HERC1: variants seen among roughly 807,000 people sequenced by gnomAD.
The protein encoded by HERC1 is probable E3 ubiquitin-protein ligase HERC1.
Under a neutral mutation model 554.3 loss-of-function variants are expected in HERC1, and 160 were observed. The ratio of observed to expected loss-of-function variants is 0.29; its 90% CI spans 0.25 to 0.33. HERC1 has a LOEUF of 0.33. Ranked by LOEUF, HERC1 falls within the 10% of genes least tolerant of loss-of-function variation. HERC1 has a pLI of 1.00. For synonymous variants in HERC1, 2,175 were observed against 2,131.7 expected, an observed-to-expected ratio of 1.02 and a Z score of -0.56; for missense variants, 4,919 against 5,918.5, an observed-to-expected ratio of 0.83 and a Z score of 5.54.
At chr15:63,703,705 C>T (rs763413099) in intron 25 of HERC1, among the ~76,000 whole-genome samples, 5 of 151,566 alleles carry the variant, frequency 3.3e-5, no homozygotes, top group Non-Finnish European at 5.9e-5. Flanking sequence ...AGCAACATGG[C>T]GAAACCCCGT....
chr15:63,821,726 C>CAAA (rs35074987), intron 1 of HERC1, among the ~76,000 whole-genome samples: 32 of 62,444 alleles, frequency 5.1e-4, no homozygotes, highest in East Asian at 6.4e-4. Flanking sequence ...TACCCTGTCT[C>CAAA]AAAAAAAAAA....
Position 63,612,213 on chromosome 15 carries a change from G to T in HERC1, c.14400+38C>A. On this transcript the variant is annotated intron_variant, in intron 77 of 77. Coordinates refer to ENST00000443617, the MANE Select transcript of HERC1 (RefSeq NM_003922.4). The surrounding 1 kb of genome is among the most constrained non-coding windows in gnomAD (Gnocchi z 5.0). ...AACAAAAACAACAATGAAGCAATAAGGCAGACATTACAAAGGAAAAAAGAA... is the reference window on the plus strand; with the variant it reads ...AACAAAAACAACAATGAAGCAATAATGCAGACATTACAAAGGAAAAAAGAA... The T allele has an allele frequency of 6.6e-7, 1 of 1,516,024 alleles. No homozygotes were observed. The highest frequency in any genetic ancestry group is 9.0e-7 in the Non-Finnish European group (1 of 1,117,066). 93.9% of individuals were successfully genotyped at this position (1,516,024 alleles called of 1,614,324 possible).
chr15:63,715,169 T>C (rs2073491366), intron 22 of HERC1, among the ~76,000 whole-genome samples: 1 of 152,220 alleles, frequency 6.6e-6, no homozygotes, highest in Admixed American at 6.5e-5. Context: ...AGTTCATTCA[T>C]CTTTAGAATG....
intron 33 of HERC1, among the ~76,000 whole-genome samples, chr15:63,687,667 C>T (rs963188406): frequency 1.3e-5 from 2 of 152,052 alleles, no homozygotes; most frequent in African/African-American, 4.8e-5. Flanking sequence ...GGTCTCTGCT[C>T]TCATAGAACT....
At chr15:63,631,212 A>C (rs1382890190) in intron 68 of HERC1, among the ~76,000 whole-genome samples, 1 of 151,710 alleles carries the variant, frequency 6.6e-6, no homozygotes, top group Non-Finnish European at 1.5e-5. Context: ...CTTCCAACCA[A>C]CCTCTCCCCT....
intron 51 of HERC1, among the ~76,000 whole-genome samples, chr15:63,653,715 AAC>A (rs1228186242): frequency 1.3e-5 from 2 of 152,306 alleles, no homozygotes; most frequent in East Asian, 3.9e-4. Flanking sequence ...ATACTATGTA[AAC>A]AGTTATACTG....
chr15:63,678,802 A>T (rs1360279485), intron 36 of HERC1, among the ~76,000 whole-genome samples: 1 of 152,230 alleles, frequency 6.6e-6, no homozygotes, highest in Non-Finnish European at 1.5e-5. Context: ...CACACTGCAA[A>T]TAAGACACAG....
chr15:63,710,583 C>T (rs911932118), intron 24 of HERC1, among the ~76,000 whole-genome samples: 1 of 152,162 alleles, frequency 6.6e-6, no homozygotes, highest in African/African-American at 2.4e-5. Context: ...CTAAGACTAA[C>T]TGATCAATGA....
intron 47 of HERC1, among the ~76,000 whole-genome samples, chr15:63,659,203 T>C (rs62014170): frequency 0.17 from 25,765 of 152,036 alleles, 2,430 homozygotes; most frequent in Middle Eastern, 0.22. Context: ...ACAAGTTCTA[T>C]AAATCTTTTT....
chr15:63,724,563 C>G (rs1432960948), intron 18 of HERC1, among the ~76,000 whole-genome samples: 1 of 152,110 alleles, frequency 6.6e-6, no homozygotes, highest in East Asian at 1.9e-4. Context: ...CTTAGACTTT[C>G]CTTCAGGGAC....
chr15:63,807,196 C>G (rs997778028), intron 1 of HERC1, among the ~76,000 whole-genome samples: 11 of 152,312 alleles, frequency 7.2e-5, no homozygotes, highest in Middle Eastern at 3.4e-3. Flanking sequence ...CTCCTCAAAT[C>G]AAGCCTATTC....
At chr15:63,649,611 GA>G (rs2069565986) in intron 54 of HERC1, 113 bp downstream of exon 54, 1 of 819,832 alleles carries the variant, frequency 1.2e-6, no homozygotes, top group African/African-American at 1.7e-5. Context: ...GGAAAATTTT[GA>G]AAACAAAGCC....
chr15:63,785,667 G>T (rs972055690), intron 1 of HERC1, among the ~76,000 whole-genome samples: 1 of 151,180 alleles, frequency 6.6e-6, no homozygotes, highest in African/African-American at 2.4e-5. Context: ...TACTCAGCAG[G>T]ATGAGGTGGG....
Position 63,729,257 on chromosome 15 carries a change from T to C in HERC1, c.3133A>G (p.Ser1045Gly). 1 of 1,604,490 alleles carries C rather than the reference T, an allele frequency of 6.2e-7. No individual in the cohort carries two copies. Among genetic ancestry groups the C allele is most frequent in the Non-Finnish European group, 8.5e-7 (1 of 1,177,396 alleles). The change falls in exon 16 of 78, where the codon AGT becomes GGT. Residue 1045 changes from serine to glycine, a missense_variant. By Grantham distance (56) the Ser-to-Gly change is moderately conservative. Transcript: ENST00000443617. ...TCACCTCTTAATTTTTCTCCAACAC[T>C]GCCATTCCAAGGACTTTCTTTGAGC... ...NLLKESPWNG[S>G]VGEKLRDVIY... is the part of the protein sequence containing the mutation.
intron 1 of HERC1, among the ~76,000 whole-genome samples, chr15:63,794,176 C>A (rs1275417149): frequency 1.3e-5 from 2 of 152,130 alleles, no homozygotes; most frequent in Non-Finnish European, 2.9e-5. Context: ...TAAAAATGAG[C>A]AACCAGCAGC....
chr15:63,612,968 T>C lies in HERC1; in HGVS notation c.14095-412A>G. 6.6e-6 allele frequency among the ~76,000 whole-genome samples: 1 copy of C among 152,262 alleles called. No individual in the cohort carries two copies. Among genetic ancestry groups the C allele is most frequent in the East Asian group, 1.9e-4 (1 of 5,206 alleles). On this transcript the variant is annotated intron_variant, in intron 76 of 77. Coordinates refer to ENST00000443617, the MANE Select transcript of HERC1 (RefSeq NM_003922.4). The surrounding 1 kb of genome is among the most constrained non-coding windows in gnomAD (Gnocchi z 5.0). ...GAAGCTTTGGGGGCACTCAACTAGCTGCCTACTGTTTTTTAAATTTATATT... is the reference window on the plus strand; with the variant it reads ...GAAGCTTTGGGGGCACTCAACTAGCCGCCTACTGTTTTTTAAATTTATATT...
At chr15:63,676,422 T>G (rs1317325979) in intron 37 of HERC1, among the ~76,000 whole-genome samples, 1 of 152,220 alleles carries the variant, frequency 6.6e-6, no homozygotes, top group Non-Finnish European at 1.5e-5. Context: ...CACTAAATTC[T>G]GAAACAGTAC....
chr15:63,791,355 GTA>G (rs1159482624), intron 1 of HERC1, among the ~76,000 whole-genome samples: 1 of 152,114 alleles, frequency 6.6e-6, no homozygotes, highest in Non-Finnish European at 1.5e-5. Context: ...AGATTTATAT[GTA>G]TATATGTACG....
rs764406743 is a variant in HERC1, at chr15:63,756,542, T to C, written c.1428A>G (p.Glu476=). 1.9e-6 allele frequency: 3 copies of C among 1,613,986 alleles called. No individual in the cohort carries two copies. Among genetic ancestry groups the C allele is most frequent in the Non-Finnish European group, 2.5e-6 (3 of 1,179,830 alleles). ...SDGHTLAFTT[E]GEVFSWGDGD... ...CATCTCCCCAACTGAAGACTTCTCC[T>C]TCTGTCGTAAAGGCTAAAGTGTGAC... Residue 476 remains glutamate, a synonymous_variant, in exon 5 of 78, where the codon GAA becomes GAG. Transcript: ENST00000443617. The surrounding 1 kb of genome is among the most constrained non-coding windows in gnomAD (Gnocchi z 5.0).
Sources: allele counts gnomAD v4.1 joint callset (sites outside exome capture counted in the v4.1 genomes callset), GRCh38; gene constraint gnomAD v4.1.1; non-coding constraint Gnocchi (gnomAD v3.1); transcripts MANE v1.5; gene names NCBI Gene and HGNC (gene_info 2026-07-23, HGNC 2026-07-21).